Variants in PRKD1 observed in about 807,000 individuals in gnomAD.
The protein encoded by PRKD1 is serine/threonine-protein kinase D1.
In PRKD1, 63 loss-of-function variants were observed where a neutral mutation model predicts 95.9. That is an observed-to-expected ratio of 0.66 (90% CI 0.54 to 0.81). The LOEUF is 0.81. Ranked by LOEUF, PRKD1 falls within the 30% of genes least tolerant of loss-of-function variation. The pLI, the probability that PRKD1 is intolerant of heterozygous loss-of-function variation, is 0.00. For synonymous variants in PRKD1, 425 were observed against 423.1 expected (o/e 1.00, Z -0.05); for missense variants, 1,048 against 1,165.3 (o/e 0.90, Z 1.47).
At chr14:29,805,488 A>G (rs185562889) in intron 1 of PRKD1, among the ~76,000 whole-genome samples, 55 of 152,382 alleles carry the variant, frequency 3.6e-4, no homozygotes, top group Admixed American at 2.8e-3. Context: ...TAGAAGGCTG[A>G]ATGAATGGTC....
rs530433164 is a variant in PRKD1 at position 29,834,712 on chromosome 14, C to T, written c.264+92537G>A. 2.6e-5 allele frequency among the ~76,000 whole-genome samples: 4 copies of T among 152,198 alleles called. No homozygotes were observed. In the East Asian group the frequency reaches 7.7e-4, roughly 29 times the overall value. On this transcript the variant is annotated intron_variant, in intron 1 of 17. Coordinates refer to ENST00000331968, the MANE Select transcript of PRKD1 (RefSeq NM_002742.3). ...ATAATAAACTACTAAACTTATGGGG[C>T]AATTCTTACCTGTTAGGCACTACGG... is the stretch of plus-strand genomic sequence containing the variant.
At chr14:29,757,075 G>T (rs1887736020) in intron 1 of PRKD1, among the ~76,000 whole-genome samples, 1 of 152,116 alleles carries the variant, frequency 6.6e-6, no homozygotes, top group African/African-American at 2.4e-5. Flanking sequence ...TGTACTATGG[G>T]TTAAATGAAT....
At chr14:29,599,558 G>A in intron 14 of PRKD1, 98 bp downstream of exon 14, 1 of 1,144,054 alleles carries the variant, frequency 8.7e-7, no homozygotes, top group Non-Finnish European at 1.2e-6. Context: ...TTAGACTGGA[G>A]GTAGGGACTA....
chr14:29,743,536 C>T (rs903303479), intron 1 of PRKD1, among the ~76,000 whole-genome samples: 2 of 152,136 alleles, frequency 1.3e-5, no homozygotes, highest in African/African-American at 4.8e-5. Flanking sequence ...GAGACAAGAA[C>T]ATGTTAGGAA....
At chr14:29,678,346 C>G (rs1759744085) in intron 2 of PRKD1, among the ~76,000 whole-genome samples, 1 of 152,192 alleles carries the variant, frequency 6.6e-6, no homozygotes, top group African/African-American at 2.4e-5. Flanking sequence ...ACTAAATGCT[C>G]ATAAACATTA....
At chr14:29,905,757 G>A (rs45445193) in intron 1 of PRKD1, among the ~76,000 whole-genome samples, 2 of 152,120 alleles carry the variant, frequency 1.3e-5, no homozygotes, top group Non-Finnish European at 2.9e-5. Context: ...CTTACAGCAC[G>A]CAACTGTTTG....
At chr14:29,704,791 A>AT (rs1165668647) in intron 2 of PRKD1, among the ~76,000 whole-genome samples, 5 of 151,974 alleles carry the variant, frequency 3.3e-5, no homozygotes, top group South Asian at 2.1e-4. Flanking sequence ...TTTTTTTCTC[A>AT]TTTTTTTGTG....
chr14:29,644,437 C>A (rs147965144), intron 4 of PRKD1, among the ~76,000 whole-genome samples: 4 of 152,234 alleles, frequency 2.6e-5, no homozygotes, highest in African/African-American at 9.6e-5. Flanking sequence ...GAGAGGACAG[C>A]GTCACTGTAA....
At chr14:29,849,646 C>A (rs1324697800) in intron 1 of PRKD1, among the ~76,000 whole-genome samples, 1 of 151,428 alleles carries the variant, frequency 6.6e-6, no homozygotes, top group Non-Finnish European at 1.5e-5. Flanking sequence ...ATCAGACACA[C>A]AAAGAAGAGC....
At chr14:29,888,442 C>T (rs578049338) in intron 1 of PRKD1, among the ~76,000 whole-genome samples, 5 of 152,116 alleles carry the variant, frequency 3.3e-5, no homozygotes, top group Non-Finnish European at 5.9e-5. Context: ...AACTTGTATA[C>T]GGAATGGCTG....
At chr14:29,907,703 T>C (rs1376729315) in intron 1 of PRKD1, among the ~76,000 whole-genome samples, 2 of 152,246 alleles carry the variant, frequency 1.3e-5, no homozygotes, top group South Asian at 2.1e-4. Flanking sequence ...AAAGGACTTT[T>C]AGTGAAACAT....
intron 2 of PRKD1, among the ~76,000 whole-genome samples, chr14:29,700,465 C>G (rs1307117019): frequency 6.6e-6 from 1 of 152,176 alleles, no homozygotes; most frequent in Non-Finnish European, 1.5e-5. Context: ...CTAATCACTT[C>G]TGCTCCTTGT....
At chr14:29,601,535 G>A (rs1007376890) in intron 13 of PRKD1, among the ~76,000 whole-genome samples, 1 of 143,804 alleles carries the variant, frequency 7.0e-6, no homozygotes, top group Non-Finnish European at 1.5e-5. Flanking sequence ...TGGCAACTTC[G>A]AATAGACCTC....
intron 13 of PRKD1, among the ~76,000 whole-genome samples, chr14:29,610,753 C>T (rs1878406245): frequency 6.6e-6 from 1 of 152,154 alleles, no homozygotes; most frequent in African/African-American, 2.4e-5. Flanking sequence ...AACTTGCAAG[C>T]AACCAAGATG....
chr14:29,597,458 A>C (rs767081267), intron 16 of PRKD1, 33 bp downstream of exon 16: 2 of 1,518,514 alleles, frequency 1.3e-6, no homozygotes, highest in Non-Finnish European at 1.8e-6. Context: ...AATAAGGATT[A>C]GATTATTATC....
At chr14:29,786,952 G>A (rs1306353603) in intron 1 of PRKD1, among the ~76,000 whole-genome samples, 3 of 151,218 alleles carry the variant, frequency 2.0e-5, no homozygotes, top group Non-Finnish European at 4.4e-5. Context: ...TTACTTTTTC[G>A]ATTTAGGCAT....
At position 29,666,256 on chromosome 14, in the gene PRKD1, C is replaced by T. The variant is rs1307313857; in HGVS notation, c.404-48G>A. ...AAGTAAGTTGAATAGGCACTCTGAT[C>T]TGTAAATAAAAAGTATGCAAGATAA... On this transcript the variant is annotated intron_variant, in intron 2 of 17. Transcript: ENST00000331968. 9.1e-6 allele frequency: 14 copies of T among 1,536,924 alleles called. No individual in the cohort carries two copies. The South Asian group carries it at 1.4e-4, about 15-fold the overall frequency.
At chr14:29,603,899 G>A (rs964527730) in intron 13 of PRKD1, among the ~76,000 whole-genome samples, 1 of 152,148 alleles carries the variant, frequency 6.6e-6, no homozygotes, top group Non-Finnish European at 1.5e-5. Flanking sequence ...ATTTGGCCAA[G>A]TACAGGAAAA....
At chr14:29,828,514 T>C (rs1891283362) in intron 1 of PRKD1, among the ~76,000 whole-genome samples, 1 of 151,970 alleles carries the variant, frequency 6.6e-6, no homozygotes, top group African/African-American at 2.4e-5. Flanking sequence ...GGACAAAACA[T>C]CCAAACCATA....
Sources: allele counts gnomAD v4.1 joint callset (sites outside exome capture counted in the v4.1 genomes callset), GRCh38; gene constraint gnomAD v4.1.1; transcripts MANE v1.5; gene names NCBI Gene and HGNC (gene_info 2026-07-23, HGNC 2026-07-21).